BEND4: variants seen among roughly 807,000 people sequenced by gnomAD.
BEND4 encodes BEN domain containing 4.
Under a neutral mutation model 54.7 loss-of-function variants are expected in BEND4, and 27 were observed. That is an observed-to-expected ratio of 0.49 (90% confidence interval 0.36 to 0.68). The LOEUF (loss-of-function observed/expected upper bound fraction) is 0.68. Among genes scored for constraint, BEND4 ranks in the 30% least tolerant of loss-of-function variants. The pLI is 0.00. For missense variants in BEND4, 702 were observed against 697.2 expected (o/e 1.01, Z -0.08); for synonymous variants, 327 against 299.5 (o/e 1.09, Z -0.95).
chr4:42,139,825 A>ATTT (rs1044799416), intron 3 of BEND4, among the ~76,000 whole-genome samples: 13 of 152,208 alleles, frequency 8.5e-5, no homozygotes, highest in Non-Finnish European at 1.8e-4. Flanking sequence ...GTCCTTCCAC[A>ATTT]GAAATGTACT....
chr4:42,147,664 T>C (rs1003508180), intron 2 of BEND4, among the ~76,000 whole-genome samples: 2 of 152,116 alleles, frequency 1.3e-5, no homozygotes, highest in African/African-American at 4.8e-5. Context: ...CTCTAATTTA[T>C]TTTGCTTTAT....
Position 42,117,295 on chromosome 4 carries a change from T to C in BEND4, c.*223A>G, listed in dbSNP as rs1047244290. On this transcript the variant is annotated 3_prime_UTR_variant, in exon 6 of 6. Coordinates refer to ENST00000502486, the MANE Select transcript of BEND4 (RefSeq NM_207406.4). ...AGCTAGTAATCATTTAAAAATCAGA[T>C]GTAGTTTTTTCTTTTTATAATATAA... The C allele has an allele frequency of 1.3e-5, 6 of 452,874 alleles. No homozygotes were observed. The highest frequency in any genetic ancestry group is 4.0e-5 in the African/African-American group (2 of 49,428). The allele number at this position is 452,874 out of a possible 1,614,324, so 28.1% of individuals were successfully genotyped here. A position where few individuals can be genotyped will look rare whatever the true frequency, so the allele number is the denominator to read the frequency against.
rs1012567022 is a variant in BEND4 at position 42,114,948 on chromosome 4, G to A, written c.*2570C>T. On this transcript the variant is annotated 3_prime_UTR_variant, in exon 6 of 6. Coordinates refer to ENST00000502486, the MANE Select transcript of BEND4 (RefSeq NM_207406.4). ...GTGCCTGCGTCAGACGCTAGGCTTG[G>A]CTAAAGGAACCCAGCAGATACACAA... 1 of 152,368 alleles carries A rather than the reference G, an allele frequency of 6.6e-6. No individual in the cohort carries two copies. The highest frequency in any genetic ancestry group is 1.5e-5 in the Non-Finnish European group (1 of 68,142). The allele number at this position is 152,368 out of a possible 1,614,324, so 9.4% of individuals were successfully genotyped here. A position where few individuals can be genotyped will look rare whatever the true frequency, so the allele number is the denominator to read the frequency against.
chr4:42,146,685 T>G (rs7668816), intron 2 of BEND4, among the ~76,000 whole-genome samples: 4,267 of 152,356 alleles, frequency 0.028, 126 homozygotes, highest in African/African-American at 0.075. Flanking sequence ...TTTCATTCAT[T>G]TTAATCCTAT....
intron 3 of BEND4, among the ~76,000 whole-genome samples, chr4:42,128,681 G>GA (rs1240863081): frequency 6.6e-6 from 1 of 151,780 alleles, no homozygotes; most frequent in Admixed American, 6.6e-5. Flanking sequence ...GCAAGAGAAA[G>GA]AAATAATGGG....
chr4:42,132,034 TCTGGAAAA>T (rs1720524488), intron 3 of BEND4, among the ~76,000 whole-genome samples: 1 of 151,966 alleles, frequency 6.6e-6, no homozygotes, highest in African/African-American at 2.4e-5. Context: ...AAAAAGTCAA[TCTGGAAAA>T]CGGAGACAGG....
At chr4:42,146,055 G>A (rs1721071509) in intron 2 of BEND4, among the ~76,000 whole-genome samples, 1 of 152,164 alleles carries the variant, frequency 6.6e-6, no homozygotes, top group Admixed American at 6.5e-5. Flanking sequence ...ACTCTTAGGA[G>A]CAGTATTACC....
chr4:42,117,720 T>C lies in BEND4; in HGVS notation c.1403A>G (p.His468Arg). ...VTCLREFIRM[H>R]CTSNPDWWMP... ...CCACCAATCGGGGTTGGAGGTACAATGCATCCTAATGAATTCTGCAGGAAT... is the reference window on the plus strand; with the variant it reads ...CCACCAATCGGGGTTGGAGGTACAACGCATCCTAATGAATTCTGCAGGAAT... The change falls in exon 6 of 6, where the codon CAT becomes CGT. Residue 468 changes from histidine (H) to arginine (R), a missense_variant. His to Arg is a conservative substitution (Grantham distance 29, BLOSUM62 0). Coordinates refer to ENST00000502486, the MANE Select transcript of BEND4 (RefSeq NM_207406.4). 6.2e-7 allele frequency: 1 copy of C among 1,602,092 alleles called. No individual in the cohort carries two copies. The highest frequency in any genetic ancestry group is 8.5e-7 in the Non-Finnish European group (1 of 1,173,770).
At chr4:42,134,080 A>C (rs986786712) in intron 3 of BEND4, among the ~76,000 whole-genome samples, 1 of 152,196 alleles carries the variant, frequency 6.6e-6, no homozygotes, top group Non-Finnish European at 1.5e-5. Context: ...AAGACTACTG[A>C]AATGGTCTTC....
chr4:42,136,625 C>T (rs1004924991), intron 3 of BEND4, among the ~76,000 whole-genome samples: 1 of 152,232 alleles, frequency 6.6e-6, no homozygotes, highest in Admixed American at 6.5e-5. Context: ...GCTCTCGTAA[C>T]TGTAAACAAG....
intron 4 of BEND4, among the ~76,000 whole-genome samples, chr4:42,124,977 T>TC (rs1386517364): frequency 6.6e-6 from 1 of 152,092 alleles, no homozygotes; most frequent in Non-Finnish European, 1.5e-5. Flanking sequence ...CCTGAGAGCT[T>TC]CCCCAGGGGA....
At chr4:42,150,677 G>C (rs908123022) in intron 2 of BEND4, among the ~76,000 whole-genome samples, 4 of 152,218 alleles carry the variant, frequency 2.6e-5, no homozygotes, top group African/African-American at 9.6e-5. Context: ...AGGTCCCTTG[G>C]GCGCAGGCCT....
chr4:42,144,110 G>A, intron 2 of BEND4, 116 bp from the exon 3 acceptor site: 2 of 783,276 alleles, frequency 2.6e-6, no homozygotes, highest in Non-Finnish European at 4.3e-6. Flanking sequence ...TCTACTGTCT[G>A]TCATAAACCA....
In BEND4 at chr4:42,111,536, G is replaced by A. The variant is rs1354947354; in HGVS notation, c.*5982C>T. On this transcript the variant is annotated 3_prime_UTR_variant, in exon 6 of 6. Transcript: ENST00000502486. ...CCCTGTTCCCAAGAAGTGCAAGCCA[G>A]GACCCTCATGGCCTTGGCATGCTCT... is the stretch of plus-strand genomic sequence containing the variant. 6.6e-6 allele frequency: 1 copy of A among 152,184 alleles called. No homozygotes were observed. The highest frequency in any genetic ancestry group is 1.5e-5 in the Non-Finnish European group (1 of 68,044). 9.4% of individuals were successfully genotyped at this position (152,184 alleles called of 1,614,324 possible).
chr4:42,152,034 A>T lies in BEND4; in HGVS notation c.110T>A (p.Leu37Gln). 8.0e-7 allele frequency: 1 copy of T among 1,250,916 alleles called. No homozygotes were observed. The highest frequency in any genetic ancestry group is 1.0e-6 in the Non-Finnish European group (1 of 990,782). The allele number at this position is 1,250,916 out of a possible 1,614,324, so 77.5% of individuals were successfully genotyped here. A position where few individuals can be genotyped will look rare whatever the true frequency, so the allele number is the denominator to read the frequency against. The change falls in exon 2 of 6, where the codon CTG becomes CAG. Residue 37 changes from leucine to glutamine, a missense_variant. Transcript: ENST00000502486. ...GGTGGGTCGCTCGTAGCGCTTGGCC[A>T]GCGCCGGTCTCTTGCTGGGGAACGT... ...LKTFPSKRPA[L>Q]AKRYERPTLV...
Position 42,151,819 on chromosome 4 carries a change from A to G in BEND4, c.325T>C (p.Ser109Pro). The G allele has an allele frequency of 7.2e-7, 1 of 1,394,240 alleles. No individual in the cohort carries two copies. The highest frequency in any genetic ancestry group is 9.2e-7 in the Non-Finnish European group (1 of 1,085,252). 86.4% of individuals were successfully genotyped at this position (1,394,240 alleles called of 1,614,324 possible). Residue 109 changes from serine to proline, a missense_variant, in exon 2 of 6, where the codon TCC (serine) becomes CCC (proline). Ser to Pro is a moderately conservative substitution (Grantham distance 74). Coordinates refer to ENST00000502486, the MANE Select transcript of BEND4 (RefSeq NM_207406.4). The stretch of plus-strand genomic sequence containing the variant: ...GCCGGAGTCCTCAAGTGGCCCTGGG[A>G]TGTGGCGGGCGTGCAGGACGGCGAC... ...SSSPSCTPAT[S>P]QGHLRTPAQP...
chr4:42,122,144 G>A (rs753807944), intron 4 of BEND4, among the ~76,000 whole-genome samples: 2 of 152,166 alleles, frequency 1.3e-5, no homozygotes, highest in Non-Finnish European at 2.9e-5. Flanking sequence ...AGCAACTGAT[G>A]ACCAGCCCGA....
rs1478149862 is a variant in BEND4, at chr4:42,117,709, T to TG, written c.1413dup (p.Asn472GlnfsTer41). The TG allele has an allele frequency of 6.2e-7, 1 of 1,607,402 alleles. No individual in the cohort carries two copies. The highest frequency in any genetic ancestry group is 1.1e-5 in the South Asian group (1 of 89,540). On this transcript the variant is annotated frameshift_variant, in exon 6 of 6. Transcript: ENST00000502486. LOFTEE classifies it high-confidence loss of function. ...TCCGAGGGCATCCACCAATCGGGGT[T>TG]GGAGGTACAATGCATCCTAATGAAT...
At chr4:42,134,626 G>A (rs949320004) in intron 3 of BEND4, among the ~76,000 whole-genome samples, 2 of 152,200 alleles carry the variant, frequency 1.3e-5, no homozygotes, top group African/African-American at 4.8e-5. Flanking sequence ...AGGACATCAG[G>A]AGACACAGAC....
Sources: gnomAD v4.1 joint callset for allele counts (sites outside exome capture counted in the v4.1 genomes callset) on GRCh38, gnomAD v4.1.1 for gene constraint, MANE v1.5 for transcripts, NCBI Gene and HGNC (gene_info 2026-07-23, HGNC 2026-07-21) for gene names.